The following DAB1 variants were observed in gnomAD, a reference collection of about 807,000 sequenced individuals.
DAB1 encodes disabled homolog 1.
A neutral mutation model predicts 64.6 loss-of-function variants in DAB1; 15 were observed. The observed-to-expected ratio is 0.23, with a 90% CI of 0.16 to 0.36. The LOEUF (loss-of-function observed/expected upper bound fraction) is 0.36. DAB1 is among the 10% of genes least tolerant of loss of function. The pLI is 1.00. For missense variants in DAB1, 596 were observed against 706.7 expected, an observed-to-expected ratio of 0.84 and a Z score of 1.78; for synonymous variants, 235 against 251.9, an observed-to-expected ratio of 0.93 and a Z score of 0.64.
At chr1:57,550,290 T>C (rs1242885057) in intron 7 of DAB1, among the ~76,000 whole-genome samples, 1 of 152,144 alleles carries the variant, frequency 6.6e-6, no homozygotes, top group Admixed American at 6.5e-5. Context: ...CAGGAAGTGG[T>C]TAACTTCTTA....
At chr1:57,121,586 C>T (rs528996245) in intron 4 of DAB1, among the ~76,000 whole-genome samples, 8 of 152,092 alleles carry the variant, frequency 5.3e-5, no homozygotes, top group East Asian at 1.9e-4. Flanking sequence ...AAAGAAAACC[C>T]GGCACATTTT....
intron 3 of DAB1, among the ~76,000 whole-genome samples, chr1:58,382,328 T>G (rs1238963033): frequency 4.6e-5 from 7 of 152,158 alleles, no homozygotes; most frequent in Non-Finnish European, 4.4e-5. Flanking sequence ...CCTATTCAAT[T>G]ATACAGCTGG....
chr1:57,791,657 G>C (rs1650604503), intron 6 of DAB1, among the ~76,000 whole-genome samples: 1 of 152,112 alleles, frequency 6.6e-6, no homozygotes. Context: ...TGCCCAGCAG[G>C]TAATTTCTTT....
At chr1:57,408,423 G>A (rs1481914482) in intron 1 of DAB1, among the ~76,000 whole-genome samples, 2 of 152,050 alleles carry the variant, frequency 1.3e-5, no homozygotes, top group Non-Finnish European at 2.9e-5. Context: ...TCCTACTCAC[G>A]GGGATCAATA....
intron 1 of DAB1, among the ~76,000 whole-genome samples, chr1:57,865,195 G>A (rs948866560): frequency 1.3e-5 from 2 of 152,200 alleles, no homozygotes; most frequent in Non-Finnish European, 2.9e-5. Context: ...CAAAACCTCA[G>A]CCTTGGAACA....
At position 57,661,130 on chromosome 1, in the gene DAB1, GA is replaced by G. The variant is rs112471605; in HGVS notation, n.552-11466del. Among the ~76,000 whole-genome samples, 114 of 149,214 alleles carry G rather than the reference GA, an allele frequency of 7.6e-4. No individual in the cohort carries two copies. In the South Asian group the frequency reaches 9.8e-3, roughly 13 times the overall value. On this transcript the variant is annotated intron_variant and non_coding_transcript_variant, in intron 6 of 20. Coordinates refer to the DAB1 transcript ENST00000485760. ...ACTTCTGGCCTTGGATAGTCTGGGG[GA>G]AAAAAAAAAGGTACTAGTGAAGAAA...
intron 8 of DAB1, among the ~76,000 whole-genome samples, chr1:57,063,495 G>A (rs1193983555): frequency 6.6e-6 from 1 of 152,182 alleles, no homozygotes; most frequent in African/African-American, 2.4e-5. Flanking sequence ...GGTATGGAAA[G>A]TGTGGGCCTA....
chr1:57,893,523 C>T (rs927592331), intron 5 of DAB1, among the ~76,000 whole-genome samples: 1 of 152,122 alleles, frequency 6.6e-6, no homozygotes, highest in African/African-American at 2.4e-5. Context: ...GGTCCCTGCC[C>T]TCAGGAAGCA....
At chr1:57,344,606 T>TA (rs1677933410) in intron 1 of DAB1, among the ~76,000 whole-genome samples, 2 of 151,798 alleles carry the variant, frequency 1.3e-5, no homozygotes, top group South Asian at 4.2e-4. Context: ...AGGCGAAGGT[T>TA]ATAGAGGTTT....
chr1:57,258,870 G>T lies in DAB1; in HGVS notation c.67+32094C>A, dbSNP rs1428717454. Among the ~76,000 whole-genome samples the T allele has an allele frequency of 2.6e-5, 4 of 151,892 alleles. No individual in the cohort carries two copies. In the South Asian group the frequency reaches 8.3e-4, roughly 32 times the overall value. ...TGGGAGGCACAGGCTTGGTGAGGAG[G>T]GTGAGTTCTGCACCCACCTCCCCAA... is the stretch of plus-strand genomic sequence containing the variant. On this transcript the variant is annotated intron_variant, in intron 2 of 14. Coordinates refer to ENST00000371236, the MANE Select transcript of DAB1 (RefSeq NM_001365792.1).
In DAB1 at chr1:58,506,192, T is replaced by C. The variant is rs758053835; in HGVS notation, n.125A>G. 4 of 870,924 alleles carry C rather than the reference T, an allele frequency of 4.6e-6. No individual in the cohort carries two copies. The Admixed American group carries it at 6.8e-5, about 15-fold the overall frequency. The allele number at this position is 870,924 out of a possible 1,614,324, so 53.9% of individuals were successfully genotyped here. A position where few individuals can be genotyped will look rare whatever the true frequency, so the allele number is the denominator to read the frequency against. On this transcript the variant is annotated non_coding_transcript_exon_variant, in exon 3 of 21. Coordinates refer to the DAB1 transcript ENST00000485760. ...TTTGCTGCCAAAACACTGAACTGGCTCTTATGTCTGCACAAGCCTAAAACC... is the reference window on the plus strand; with the variant it reads ...TTTGCTGCCAAAACACTGAACTGGCCCTTATGTCTGCACAAGCCTAAAACC...
chr1:58,042,961 G>C (rs1339131886), intron 5 of DAB1, among the ~76,000 whole-genome samples: 1 of 152,222 alleles, frequency 6.6e-6, no homozygotes, highest in Non-Finnish European at 1.5e-5. Context: ...GATTCTAAGA[G>C]CAAAGGTGTT....
intron 7 of DAB1, among the ~76,000 whole-genome samples, chr1:57,432,147 T>C (rs1023621362): frequency 1.3e-5 from 2 of 150,410 alleles, no homozygotes; most frequent in Non-Finnish European, 3.0e-5. Context: ...GAATTTCCAA[T>C]GCTTACAGAG....
chr1:57,799,544 T>C (rs534739133), intron 6 of DAB1, among the ~76,000 whole-genome samples: 36 of 140,418 alleles, frequency 2.6e-4, no homozygotes, highest in African/African-American at 9.1e-4. Context: ...TATAGAGTCA[T>C]TGAAGGTTTT....
At chr1:58,448,136 G>C (rs146859780) in intron 3 of DAB1, among the ~76,000 whole-genome samples, 3 of 152,170 alleles carry the variant, frequency 2.0e-5, no homozygotes, top group African/African-American at 7.2e-5. Flanking sequence ...TGCTTTCCCT[G>C]TGTCTCCCAG....
intron 1 of DAB1, among the ~76,000 whole-genome samples, chr1:58,531,779 G>A (rs965443132): frequency 5.3e-5 from 8 of 151,852 alleles, no homozygotes; most frequent in Non-Finnish European, 1.0e-4. Flanking sequence ...GCGAGGTCTC[G>A]ACTCACTGCA....
At chr1:57,162,376 G>A (rs1450875911) in intron 2 of DAB1, among the ~76,000 whole-genome samples, 3 of 152,336 alleles carry the variant, frequency 2.0e-5, no homozygotes, top group East Asian at 1.9e-4. Flanking sequence ...TTGCAAAGAA[G>A]GAGGAAGCAG....
chr1:57,138,432 C>T (rs1658312540), intron 3 of DAB1, among the ~76,000 whole-genome samples: 1 of 152,092 alleles, frequency 6.6e-6, no homozygotes, highest in African/African-American at 2.4e-5. Flanking sequence ...TCTAGGGAGC[C>T]TAAGTCTCTC....
chr1:57,102,657 A>G (rs778376103), intron 4 of DAB1, among the ~76,000 whole-genome samples: 15 of 151,972 alleles, frequency 9.9e-5, no homozygotes, highest in Admixed American at 5.9e-4. Context: ...CTCTCTTTTC[A>G]TTGTTTTTCT....
Sources: gnomAD v4.1 joint callset for allele counts (sites outside exome capture counted in the v4.1 genomes callset) on GRCh38, gnomAD v4.1.1 for gene constraint, MANE v1.5 for transcripts, NCBI Gene and HGNC (gene_info 2026-07-23, HGNC 2026-07-21) for gene names.